The following NEK9 variants were observed in gnomAD, a reference collection of about 807,000 sequenced individuals.
The protein encoded by NEK9 is NIMA related kinase 9.
A neutral mutation model predicts 123.4 loss-of-function variants in NEK9; 75 were observed. That is an observed-to-expected ratio of 0.61 (90% CI 0.50 to 0.74). The LOEUF is 0.74. Among genes scored for constraint, NEK9 ranks in the 30% least tolerant of loss-of-function variants. The pLI is 0.00. For missense variants in NEK9, 952 were observed against 1,214.4 expected, an observed-to-expected ratio of 0.78 and a Z score of 3.21; for synonymous variants, 438 against 458.7, an observed-to-expected ratio of 0.95 and a Z score of 0.58.
At chr14:75,111,471 A>G (rs1894956490) in intron 8 of NEK9, among the ~76,000 whole-genome samples, 1 of 152,326 alleles carries the variant, frequency 6.6e-6, no homozygotes. Context: ...TCTGTCTGGA[A>G]AACTCTGTCT....
chr14:75,123,410 A>AAAT (rs958763361), intron 2 of NEK9, among the ~76,000 whole-genome samples: 2 of 145,416 alleles, frequency 1.4e-5, no homozygotes, highest in South Asian at 4.4e-4. Flanking sequence ...ATCTCAAAAA[A>AAAT]AATAATAATA....
At chr14:75,103,820 G>C in intron 14 of NEK9, 22 bp downstream of exon 14, 4 of 1,594,788 alleles carry the variant, frequency 2.5e-6, no homozygotes, top group Non-Finnish European at 3.4e-6. Flanking sequence ...GATGTGGTTA[G>C]AACACCAATC....
intron 11 of NEK9, among the ~76,000 whole-genome samples, chr14:75,106,937 G>T (rs1432015072): frequency 6.6e-6 from 1 of 152,008 alleles, no homozygotes; most frequent in Non-Finnish European, 1.5e-5. Flanking sequence ...CACATTAAAA[G>T]GACTTAAAAT....
chr14:75,099,798 A>AG (rs397717287), intron 16 of NEK9, among the ~76,000 whole-genome samples: 1 of 147,892 alleles, frequency 6.8e-6, no homozygotes, highest in Non-Finnish European at 1.5e-5. Flanking sequence ...AAAAAAAAAA[A>AG]GAAGAGGAGT....
Position 75,110,341 on chromosome 14 carries a change from A to G in NEK9, c.969T>C (p.Asn323=). The change falls in exon 9 of 22, where the codon AAT becomes AAC. Residue 323 remains asparagine (N), a synonymous_variant. Coordinates refer to ENST00000238616, the MANE Select transcript of NEK9 (RefSeq NM_033116.6). The part of the protein sequence containing the change: ...REMEEKVTLL[N]APTKRPRSST... ...ATTACCTTGGTCTCTTTGTAGGTGC[A>G]TTAAGCAGAGTGACTTTTTCCTCCA... 6.2e-7 allele frequency: 1 copy of G among 1,613,464 alleles called. No individual in the cohort carries two copies. The highest frequency in any genetic ancestry group is 1.1e-5 in the South Asian group (1 of 91,048).
intron 1 of NEK9, among the ~76,000 whole-genome samples, chr14:75,126,318 GAGGA>G (rs992274275): frequency 1.1e-4 from 16 of 152,092 alleles, no homozygotes; most frequent in African/African-American, 3.6e-4. Context: ...TACAGCATGA[GAGGA>G]AGGAAGTTTT....
chr14:75,120,673 C>T (rs1484682152), intron 3 of NEK9, 93 bp from the exon 4 acceptor site: 2 of 927,710 alleles, frequency 2.2e-6, no homozygotes, highest in Non-Finnish European at 3.3e-6. Context: ...AAGAAAACTG[C>T]AACCAGAAGT....
At chr14:75,089,540 T>C (rs1227420775) in intron 19 of NEK9, among the ~76,000 whole-genome samples, 1 of 150,356 alleles carries the variant, frequency 6.7e-6, no homozygotes, top group African/African-American at 2.4e-5. Flanking sequence ...TATTTATTTA[T>C]CTATTTATTT....
chr14:75,111,782 C>G (rs1267875224), intron 8 of NEK9, among the ~76,000 whole-genome samples: 1 of 151,970 alleles, frequency 6.6e-6, no homozygotes, highest in Non-Finnish European at 1.5e-5. Flanking sequence ...TCCCAGCTAC[C>G]CGAGAGGCTA....
rs746940344 is a variant in NEK9, at chr14:75,106,598, GGAA to G, written c.1429_1431del (p.Phe477del). 3 of 1,614,084 alleles carry G rather than the reference GGAA, an allele frequency of 1.9e-6. No individual in the cohort carries two copies. Among genetic ancestry groups the G allele is most frequent in the African/African-American group, 1.3e-5 (1 of 75,034 alleles). On this transcript the variant is annotated inframe_deletion, in exon 12 of 22. Transcript: ENST00000238616. Reference sequence around the variant, plus strand: ...GAGACCTGCTCCACTGGATTGCTGAGGAAGAAGTTCAGCTGCATGGGTTCTAGC... The same window carrying G: ...GAGACCTGCTCCACTGGATTGCTGAGGAAGTTCAGCTGCATGGGTTCTAGC...
chr14:75,117,476 G>A, intron 5 of NEK9, 150 bp from the exon 6 acceptor site: 1 of 769,028 alleles, frequency 1.3e-6, no homozygotes, highest in Non-Finnish European at 2.0e-6. Flanking sequence ...ATGAGACGAT[G>A]CCACTATGGA....
chr14:75,091,885 G>T (rs1894229732), intron 18 of NEK9, among the ~76,000 whole-genome samples: 1 of 152,060 alleles, frequency 6.6e-6, no homozygotes. Context: ...ATATAAAAAG[G>T]TCTTTAATAT....
intron 21 of NEK9, 141 bp downstream of exon 21, chr14:75,086,877 G>T: frequency 2.4e-6 from 2 of 823,168 alleles, no homozygotes; most frequent in East Asian, 2.6e-5. Flanking sequence ...CTGCACTCTG[G>T]CCTGGCAACA....
At chr14:75,085,246 C>A (rs1184292195) in intron 21 of NEK9, among the ~76,000 whole-genome samples, 1 of 152,226 alleles carries the variant, frequency 6.6e-6, no homozygotes, top group East Asian at 1.9e-4. Context: ...CTCAAGCAAT[C>A]TCCCAAAGTG....
chr14:75,119,245 T>G (rs1216936606), intron 4 of NEK9, among the ~76,000 whole-genome samples: 1 of 151,334 alleles, frequency 6.6e-6, no homozygotes, highest in African/African-American at 2.4e-5. Flanking sequence ...CCCAGGAGGC[T>G]GAGGCTGCAG....
Position 75,082,921 on chromosome 14 carries a change from G to GTGAT in NEK9, c.*1639_*1642dup. ...TCCCTTATTTCAAGAAAAGGTTTCA[G>GTGAT]TGATTACATTAGTACTAATGTACTA... On this transcript the variant is annotated 3_prime_UTR_variant, in exon 22 of 22. Coordinates refer to ENST00000238616, the MANE Select transcript of NEK9 (RefSeq NM_033116.6). 4 of 398,602 alleles carry GTGAT rather than the reference G, an allele frequency of 1.0e-5. No homozygotes were observed. The East Asian group carries it at 1.4e-4, about 14-fold the overall frequency. 24.7% of individuals were successfully genotyped at this position (398,602 alleles called of 1,614,324 possible). A position where few individuals can be genotyped will look rare whatever the true frequency, so the allele number is the denominator to read the frequency against.
At chr14:75,106,463 T>C (rs777394631) in intron 12 of NEK9, 39 bp downstream of exon 12, 18 of 1,602,358 alleles carry the variant, frequency 1.1e-5, no homozygotes, top group Middle Eastern at 1.7e-4. Flanking sequence ...TCAGGTTGTA[T>C]ACCTGTGAAG....
chr14:75,110,872 T>C (rs897461286), intron 8 of NEK9, among the ~76,000 whole-genome samples: 9 of 152,118 alleles, frequency 5.9e-5, no homozygotes, highest in African/African-American at 1.9e-4. Context: ...CTTTCTTTAA[T>C]ATTCAGGTTC....
At chr14:75,106,043 C>T in intron 12 of NEK9, 47 bp from the exon 13 acceptor site, 3 of 1,511,788 alleles carry the variant, frequency 2.0e-6, no homozygotes, top group Non-Finnish European at 2.8e-6. Flanking sequence ...GGGCTTCCTT[C>T]CCAGTGAATA....
Sources: gnomAD v4.1 joint callset for allele counts (sites outside exome capture counted in the v4.1 genomes callset) on GRCh38, gnomAD v4.1.1 for gene constraint, MANE v1.5 for transcripts, NCBI Gene and HGNC (gene_info 2026-07-23, HGNC 2026-07-21) for gene names.